Variants in ZBTB10 observed in about 807,000 individuals in gnomAD.
ZBTB10 encodes the protein zinc finger and BTB domain-containing protein 10.
A neutral mutation model predicts 76.4 loss-of-function variants in ZBTB10; 32 were observed. The ratio of observed to expected loss-of-function variants is 0.42; its 90% CI spans 0.32 to 0.56. The LOEUF is 0.56. Among genes scored for constraint, ZBTB10 ranks in the 20% least tolerant of loss-of-function variants. The pLI is 0.14. For missense variants in ZBTB10, 1,057 were observed against 1,098.5 expected, an observed-to-expected ratio of 0.96 and a Z score of 0.53; for synonymous variants, 523 against 432.9, an observed-to-expected ratio of 1.21 and a Z score of -2.58.
upstream of ZBTB10, chr8:80,485,858 A>C (rs1026681208): frequency 1.4e-5 from 21 of 1,535,616 alleles, no homozygotes; most frequent in Non-Finnish European, 1.7e-5. Context: ...CGAGAGAAGG[A>C]AAATGCGCGT....
chr8:80,512,670 C>T (rs2131510616), intron 2 of ZBTB10, among the ~76,000 whole-genome samples: 1 of 152,244 alleles, frequency 6.6e-6, no homozygotes, highest in East Asian at 1.9e-4. Context: ...TGAGATCGTG[C>T]CACTGCACTC....
Position 80,487,230 on chromosome 8 carries a change from C to T in ZBTB10, c.420C>T (p.Arg140=). 6.5e-7 allele frequency: 1 copy of T among 1,546,914 alleles called. No homozygotes were observed. Among genetic ancestry groups the T allele is most frequent in the Non-Finnish European group, 8.7e-7 (1 of 1,148,328 alleles). ...GGGLGNNGSS[R]GRPETSVWPL... ...GTCTCGGCAACAATGGCAGTAGCCGCGGCCGCCCCGAGACCTCGGTGTGGC... is the reference window on the plus strand; with the variant it reads ...GTCTCGGCAACAATGGCAGTAGCCGTGGCCGCCCCGAGACCTCGGTGTGGC... Residue 140 remains arginine (R), a synonymous_variant, in exon 1 of 6, where the codon CGC becomes CGT. Coordinates refer to ENST00000455036, the MANE Select transcript of ZBTB10 (RefSeq NM_001105539.3).
chr8:80,499,437 G>T, intron 1 of ZBTB10, 57 bp from the exon 2 acceptor site: 1 of 1,461,436 alleles, frequency 6.8e-7, no homozygotes. Flanking sequence ...TCCTTGGTTT[G>T]GGAGTTTTTA....
chr8:80,502,686 TATG>T (rs1815954735), intron 2 of ZBTB10, among the ~76,000 whole-genome samples: 1 of 151,470 alleles, frequency 6.6e-6, no homozygotes, highest in Non-Finnish European at 1.5e-5. Context: ...GGGTATATAA[TATG>T]ATATAGAACC....
intron 1 of ZBTB10, among the ~76,000 whole-genome samples, chr8:80,491,716 A>G (rs1204680991): frequency 6.6e-6 from 1 of 152,230 alleles, no homozygotes; most frequent in Non-Finnish European, 1.5e-5. Context: ...TAGCTCATTC[A>G]GTATCTGACC....
intron 3 of ZBTB10, 48 bp from the exon 4 acceptor site, chr8:80,518,355 G>T (rs1816381892): frequency 8.7e-6 from 13 of 1,500,672 alleles, no homozygotes; most frequent in Non-Finnish European, 1.2e-5. Context: ...TCTGATGAGA[G>T]ACAGATCTTT....
chr8:80,495,135 C>CTCTTTT (rs1554551528), intron 1 of ZBTB10, among the ~76,000 whole-genome samples: 1 of 140,528 alleles, frequency 7.1e-6, no homozygotes, highest in Non-Finnish European at 1.5e-5. Flanking sequence ...CTCTCTCTCT[C>CTCTTTT]TTTTTTTTTT....
At chr8:80,509,857 G>A (rs1344083062) in intron 2 of ZBTB10, among the ~76,000 whole-genome samples, 1 of 151,956 alleles carries the variant, frequency 6.6e-6, no homozygotes, top group African/African-American at 2.4e-5. Context: ...ATCATAGCTT[G>A]CTGCAGCCTT....
intron 2 of ZBTB10, among the ~76,000 whole-genome samples, chr8:80,510,207 A>C (rs1439891851): frequency 6.6e-6 from 1 of 152,210 alleles, no homozygotes; most frequent in Admixed American, 6.5e-5. Flanking sequence ...TCATTTCACA[A>C]AAAGAGCATA....
chr8:80,503,854 T>C (rs1815985295), intron 2 of ZBTB10, among the ~76,000 whole-genome samples: 1 of 152,172 alleles, frequency 6.6e-6, no homozygotes, highest in East Asian at 1.9e-4. Flanking sequence ...CTAACCTAAT[T>C]CCTCTAATCT....
intron 2 of ZBTB10, among the ~76,000 whole-genome samples, chr8:80,503,764 TCTGCCC>T (rs1815982688): frequency 6.6e-6 from 1 of 152,200 alleles, no homozygotes; most frequent in Non-Finnish European, 1.5e-5. Context: ...CCACAAGTGA[TCTGCCC>T]ACTTTGGCCT....
chr8:80,518,451 A>G lies in ZBTB10; in HGVS notation c.2009A>G (p.Asp670Gly). 1 of 1,553,178 alleles carries G rather than the reference A, an allele frequency of 6.4e-7. No individual in the cohort carries two copies. Among genetic ancestry groups the G allele is most frequent in the Non-Finnish European group, 8.7e-7 (1 of 1,147,810 alleles). ...KYGLMPGPSN[D>G]FKYGLIPGTS... The stretch of plus-strand genomic sequence containing the variant: ...GGTTTGATGCCTGGTCCTTCAAATG[A>G]TTTCAAGTATGGATTGATACCAGGT... Residue 670 changes from aspartate to glycine, a missense_variant, in exon 4 of 6, where the codon GAT becomes GGT. This residue lies in a region of ZBTB10 where 306 missense variants were observed against 297.5 expected (regional missense o/e 1.03). Transcript: ENST00000455036.
intron 3 of ZBTB10, among the ~76,000 whole-genome samples, chr8:80,514,574 AGTC>A (rs1816281597): frequency 6.6e-6 from 1 of 152,242 alleles, no homozygotes; most frequent in African/African-American, 2.4e-5. Flanking sequence ...AATAATTCAA[AGTC>A]ATCAGTGGAT....
chr8:80,496,812 A>G (rs1358649858), intron 1 of ZBTB10, among the ~76,000 whole-genome samples: 3 of 152,224 alleles, frequency 2.0e-5, no homozygotes, highest in Admixed American at 2.0e-4. Flanking sequence ...TTCCACAAAC[A>G]GTTCATAGAT....
chr8:80,487,338 C>G lies in ZBTB10; in HGVS notation c.528C>G (p.Asp176Glu), dbSNP rs1815499338. ...DALEGKELMQ[D>E]GASLSDSTED... The stretch of plus-strand genomic sequence containing the variant: ...TGGAGGGGAAGGAGTTGATGCAGGA[C>G]GGCGCGTCCCTGAGCGACAGCACCG... Residue 176 changes from aspartate (D) to glutamate (E), a missense_variant, in exon 1 of 6, where the codon GAC becomes GAG. This residue lies in a region of ZBTB10 where 556 missense variants were observed against 451.7 expected (regional missense o/e 1.23). Coordinates refer to ENST00000455036, the MANE Select transcript of ZBTB10 (RefSeq NM_001105539.3). The G allele has an allele frequency of 2.0e-6, 3 of 1,532,956 alleles. No individual in the cohort carries two copies. The highest frequency in any genetic ancestry group is 2.5e-5 in the East Asian group (1 of 40,598). The allele number at this position is 1,532,956 out of a possible 1,614,324, so 95.0% of individuals were successfully genotyped here.
intron 1 of ZBTB10, among the ~76,000 whole-genome samples, chr8:80,494,269 T>G (rs997175478): frequency 2.6e-5 from 4 of 152,262 alleles, no homozygotes; most frequent in Non-Finnish European, 5.9e-5. Flanking sequence ...TAGTAAATAC[T>G]AATTGCTTGT....
chr8:80,508,387 A>G (rs1585855189), intron 2 of ZBTB10, among the ~76,000 whole-genome samples: 1 of 152,342 alleles, frequency 6.6e-6, no homozygotes, highest in East Asian at 1.9e-4. Flanking sequence ...GAACTCCAAA[A>G]TAGCTTTCCA....
chr8:80,499,935 C>T lies in ZBTB10; in HGVS notation c.1414C>T (p.Pro472Ser), dbSNP rs1245058306. Residue 472 changes from proline to serine, a missense_variant, in exon 2 of 6, where the codon CCA (proline) becomes TCA (serine). Pro to Ser is a moderately conservative substitution (Grantham distance 74). Around this residue, in one of 5 missense-constraint regions of ZBTB10, gnomAD observed 306 missense variants for 297.5 expected, o/e 1.03. Transcript: ENST00000455036. The part of the protein sequence containing the change: ...ALNISIKSEA[P>S]ESVVVDYNNR... ...AAATATAAGCATTAAATCAGAAGCT[C>T]CAGAGTCTGTAGTTGTGGACTATAA... The T allele has an allele frequency of 1.2e-6, 2 of 1,613,708 alleles. No homozygotes were observed. The highest frequency in any genetic ancestry group is 1.3e-5 in the African/African-American group (1 of 74,876).
intron 1 of ZBTB10, among the ~76,000 whole-genome samples, chr8:80,495,926 G>T (rs1320595999): frequency 1.3e-5 from 2 of 152,174 alleles, no homozygotes; most frequent in Admixed American, 6.5e-5. Flanking sequence ...TTCATATTTA[G>T]CTCTGAATGT....
Sources: allele counts gnomAD v4.1 joint callset (sites outside exome capture counted in the v4.1 genomes callset), GRCh38; gene constraint gnomAD v4.1.1; regional missense constraint gnomAD v4.1.1; transcripts MANE v1.5; gene names NCBI Gene and HGNC (gene_info 2026-07-23, HGNC 2026-07-21).